Variants in CDC5L observed in about 807,000 individuals in gnomAD.
CDC5L encodes the protein cell division cycle 5-like protein.
Under a neutral mutation model 104.1 loss-of-function variants are expected in CDC5L, and 18 were observed. The ratio of observed to expected loss-of-function variants is 0.17; its 90% CI spans 0.12 to 0.26. The LOEUF (loss-of-function observed/expected upper bound fraction) is 0.26, where lower values mean the gene tolerates loss of function less well. CDC5L is among the 10% of genes least tolerant of loss of function. The probability of loss-of-function intolerance (pLI) is 1.00; values close to 1 mark genes in which losing one functional copy is unlikely to be tolerated. For synonymous variants in CDC5L, 331 were observed against 322.7 expected, an observed-to-expected ratio of 1.03 and a Z score of -0.28; for missense variants, 673 against 956.9, an observed-to-expected ratio of 0.70 and a Z score of 3.91.
chr6:44,447,694 T>TA lies in CDC5L; in HGVS notation c.*984dup, dbSNP rs532790702. On this transcript the variant is annotated 3_prime_UTR_variant, in exon 16 of 16. Coordinates refer to ENST00000371477, the MANE Select transcript of CDC5L (RefSeq NM_001253.4). ...GAATGTATACCCTGTGCCAGAGTCT[T>TA]AGAGAGAGAACAACAAACAAAATAG... 70 of 152,310 alleles carry TA rather than the reference T, an allele frequency of 4.6e-4. No individual in the cohort carries two copies. The highest frequency in any genetic ancestry group is 1.6e-3 in the African/African-American group (68 of 41,554). The allele number at this position is 152,310 out of a possible 1,614,324, so 9.4% of individuals were successfully genotyped here. A position where few individuals can be genotyped will look rare whatever the true frequency, so the allele number is the denominator to read the frequency against.
chr6:44,390,595 T>G (rs1790543855), intron 2 of CDC5L, among the ~76,000 whole-genome samples: 1 of 152,112 alleles, frequency 6.6e-6, no homozygotes, highest in Non-Finnish European at 1.5e-5. Flanking sequence ...TTCTCCCAAT[T>G]AGGGATAATA....
At chr6:44,430,610 G>T (rs1485106218) in intron 14 of CDC5L, among the ~76,000 whole-genome samples, 6 of 146,304 alleles carry the variant, frequency 4.1e-5, no homozygotes, top group Non-Finnish European at 7.4e-5. Context: ...GTCTCAGTCT[G>T]TTGCCAGGCT....
At chr6:44,424,692 A>G in intron 11 of CDC5L, 109 bp downstream of exon 11, 2 of 974,114 alleles carry the variant, frequency 2.1e-6, no homozygotes, top group South Asian at 3.3e-5. Flanking sequence ...GTCCTTTTTA[A>G]TATTGAAAAA....
At chr6:44,440,296 C>CA (rs1793122935) in intron 14 of CDC5L, among the ~76,000 whole-genome samples, 1 of 148,174 alleles carries the variant, frequency 6.7e-6, no homozygotes, top group Non-Finnish European at 1.5e-5. Context: ...GGCTGGAGTG[C>CA]AGTCGCCTGA....
At chr6:44,436,584 G>A (rs1384578273) in intron 14 of CDC5L, among the ~76,000 whole-genome samples, 3 of 152,064 alleles carry the variant, frequency 2.0e-5, no homozygotes, top group Non-Finnish European at 4.4e-5. Context: ...ATACAATATT[G>A]AATTTGACTT....
chr6:44,403,641 T>C (rs910141117), intron 5 of CDC5L, among the ~76,000 whole-genome samples, 168 bp from the exon 6 acceptor site: 2 of 152,198 alleles, frequency 1.3e-5, no homozygotes, highest in African/African-American at 4.8e-5. Flanking sequence ...TATGTGTGTG[T>C]GCACCTTTAA....
At chr6:44,429,636 A>G (rs1792588390) in intron 13 of CDC5L, 77 bp from the exon 14 acceptor site, 3 of 1,308,898 alleles carry the variant, frequency 2.3e-6, no homozygotes, top group Non-Finnish European at 3.2e-6. Flanking sequence ...TGAGGGAAAA[A>G]ATTAGTCTTC....
Position 44,442,845 on chromosome 6 carries a change from A to G in CDC5L, c.2092-2810A>G, listed in dbSNP as rs574128879. 3.3e-5 allele frequency among the ~76,000 whole-genome samples: 5 copies of G among 152,286 alleles called. No homozygotes were observed. In the South Asian group the frequency reaches 1.0e-3, roughly 32 times the overall value. On this transcript the variant is annotated intron_variant, in intron 14 of 15. Transcript: ENST00000371477. The stretch of plus-strand genomic sequence containing the variant: ...AAGTTTTATACTTTAATAAATTTTC[A>G]TGTTATTAATTAGTGTTCTCTTCCT...
chr6:44,415,333 T>C (rs1036523355), intron 8 of CDC5L, among the ~76,000 whole-genome samples: 1 of 152,226 alleles, frequency 6.6e-6, no homozygotes, highest in African/African-American at 2.4e-5. Context: ...GTTTGGGGCT[T>C]GTAACTTTGG....
At chr6:44,436,578 A>G (rs1186564126) in intron 14 of CDC5L, among the ~76,000 whole-genome samples, 1 of 152,200 alleles carries the variant, frequency 6.6e-6, no homozygotes, top group Non-Finnish European at 1.5e-5. Flanking sequence ...GAGTAGATAC[A>G]ATATTGAATT....
chr6:44,388,502 C>A, intron 1 of CDC5L, among the ~76,000 whole-genome samples: 1 of 152,072 alleles, frequency 6.6e-6, no homozygotes, highest in Admixed American at 6.5e-5. Context: ...GTCTCTGTTT[C>A]CAGAAACGTA....
intron 14 of CDC5L, among the ~76,000 whole-genome samples, chr6:44,436,925 G>A (rs1185569363): frequency 6.6e-6 from 1 of 152,140 alleles, no homozygotes; most frequent in East Asian, 1.9e-4. Context: ...ATTCCTATCA[G>A]TGATAGTGAA....
intron 14 of CDC5L, among the ~76,000 whole-genome samples, chr6:44,442,702 A>G (rs1219164602): frequency 6.6e-6 from 1 of 152,140 alleles, no homozygotes; most frequent in African/African-American, 2.4e-5. Context: ...TTTAACCTTT[A>G]TACTAGAGAT....
At chr6:44,441,618 C>A (rs531377403) in intron 14 of CDC5L, among the ~76,000 whole-genome samples, 23 of 152,302 alleles carry the variant, frequency 1.5e-4, no homozygotes, top group Non-Finnish European at 2.9e-5. Context: ...CCCTTGCCAA[C>A]ACATACTGTT....
intron 8 of CDC5L, among the ~76,000 whole-genome samples, chr6:44,411,691 T>G (rs1791650700): frequency 6.8e-6 from 1 of 147,682 alleles, no homozygotes; most frequent in Non-Finnish European, 1.5e-5. Context: ...TTATTATCAC[T>G]CTTTTTCTTC....
intron 15 of CDC5L, among the ~76,000 whole-genome samples, chr6:44,446,237 A>G (rs1158439539): frequency 1.3e-5 from 2 of 152,258 alleles, no homozygotes; most frequent in Non-Finnish European, 2.9e-5. Context: ...TGCTGGGAAC[A>G]TAGCTAGTCC....
chr6:44,435,897 T>G (rs951348693), intron 14 of CDC5L, among the ~76,000 whole-genome samples: 3 of 151,892 alleles, frequency 2.0e-5, no homozygotes, highest in Admixed American at 2.0e-4. Flanking sequence ...TTCTCTTGCC[T>G]CAGCCTCCCA....
chr6:44,392,466 T>C (rs1790666402), intron 2 of CDC5L, among the ~76,000 whole-genome samples: 1 of 152,206 alleles, frequency 6.6e-6, no homozygotes, highest in Non-Finnish European at 1.5e-5. Flanking sequence ...TTACTAATCT[T>C]GCATAATTAA....
intron 14 of CDC5L, among the ~76,000 whole-genome samples, chr6:44,444,710 T>A (rs1437300938): frequency 1.3e-5 from 2 of 152,150 alleles, no homozygotes; most frequent in Non-Finnish European, 2.9e-5. Context: ...CACACCTGTT[T>A]AAAACCACCT....
Sources: gnomAD v4.1 joint callset for allele counts (sites outside exome capture counted in the v4.1 genomes callset) on GRCh38, gnomAD v4.1.1 for gene constraint, MANE v1.5 for transcripts, NCBI Gene and HGNC (gene_info 2026-07-23, HGNC 2026-07-21) for gene names.